The following PRKCE variants were observed in gnomAD, a reference collection of about 807,000 sequenced individuals.
PRKCE encodes protein kinase C epsilon.
In PRKCE, 16 loss-of-function variants were observed where a neutral mutation model predicts 85.4. The ratio of observed to expected loss-of-function variants is 0.19; its 90% confidence interval spans 0.13 to 0.28. The LOEUF (loss-of-function observed/expected upper bound fraction) is 0.28, where lower values mean the gene tolerates loss of function less well. Among genes scored for constraint, PRKCE ranks in the 10% least tolerant of loss-of-function variants. The pLI, the probability that PRKCE is intolerant of heterozygous loss-of-function variation, is 1.00. For synonymous variants in PRKCE, 388 were observed against 371.5 expected (o/e 1.04, Z -0.51); for missense variants, 573 against 975.2 (o/e 0.59, Z 5.49).
intron 1 of PRKCE, among the ~76,000 whole-genome samples, chr2:45,747,725 C>A (rs1294736769): frequency 1.3e-5 from 2 of 152,202 alleles, no homozygotes. Context: ...ATACTAGAAG[C>A]AGAATTGCTA....
intron 10 of PRKCE, among the ~76,000 whole-genome samples, chr2:46,052,499 G>T (rs770028824): frequency 9.2e-5 from 14 of 152,150 alleles, no homozygotes; most frequent in South Asian, 2.1e-4. Context: ...AATTAAGGAA[G>T]ATCAACATAA....
intron 2 of PRKCE, among the ~76,000 whole-genome samples, chr2:45,903,140 T>C (rs1696696314): frequency 6.6e-6 from 1 of 152,224 alleles, no homozygotes; most frequent in Non-Finnish European, 1.5e-5. Flanking sequence ...ATGTTTTCAG[T>C]GGTCTCAGTG....
chr2:45,661,621 C>T lies in PRKCE; in HGVS notation c.348+9173C>T, dbSNP rs567752566. ...TTTACTCACTGCAAGCTCCGCCTCC[C>T]GGGTTCACACCATTCTTCTGCCTCA... On this transcript the variant is annotated intron_variant, in intron 1 of 14. Transcript: ENST00000306156. Among the ~76,000 whole-genome samples, 36 of 150,528 alleles carry T rather than the reference C, an allele frequency of 2.4e-4. No individual in the cohort carries two copies. In the South Asian group the frequency reaches 5.0e-3, roughly 21 times the overall value.
chr2:46,087,648 A>G (rs1669771961), intron 11 of PRKCE, among the ~76,000 whole-genome samples: 1 of 152,188 alleles, frequency 6.6e-6, no homozygotes, highest in Admixed American at 6.5e-5. Flanking sequence ...ATATCCAGTG[A>G]CCACAAACGG....
At chr2:46,096,576 A>G (rs1028387304) in intron 11 of PRKCE, among the ~76,000 whole-genome samples, 10 of 152,194 alleles carry the variant, frequency 6.6e-5, no homozygotes, top group Non-Finnish European at 1.2e-4. Flanking sequence ...ACAAGGGAAG[A>G]CCTTGTGAAG....
At chr2:45,754,409 T>C (rs1558635243) in intron 1 of PRKCE, among the ~76,000 whole-genome samples, 1 of 152,212 alleles carries the variant, frequency 6.6e-6, no homozygotes, top group Non-Finnish European at 1.5e-5. Context: ...CCCTGAAGAA[T>C]CTTGGCTGTG....
intron 1 of PRKCE, among the ~76,000 whole-genome samples, chr2:45,684,574 T>C (rs938645772): frequency 2.0e-5 from 3 of 152,240 alleles, no homozygotes; most frequent in African/African-American, 4.8e-5. Flanking sequence ...AAAATGTTGG[T>C]TGGACCTACA....
intron 1 of PRKCE, among the ~76,000 whole-genome samples, chr2:45,842,195 T>C (rs1334865105): frequency 6.6e-6 from 1 of 152,240 alleles, no homozygotes; most frequent in East Asian, 1.9e-4. Context: ...TGTCTCTGTA[T>C]ATTATAAGTA....
chr2:45,684,988 A>G (rs1234403591), intron 1 of PRKCE, among the ~76,000 whole-genome samples: 1 of 152,222 alleles, frequency 6.6e-6, no homozygotes, highest in African/African-American at 2.4e-5. Flanking sequence ...GGCACTGGTT[A>G]GAAAGTCTGT....
intron 11 of PRKCE, among the ~76,000 whole-genome samples, chr2:46,087,975 C>G (rs1669804418): frequency 1.3e-5 from 2 of 152,292 alleles, no homozygotes; most frequent in South Asian, 4.1e-4. Flanking sequence ...CAGGCTTACC[C>G]AAGATAATGT....
intron 1 of PRKCE, among the ~76,000 whole-genome samples, chr2:45,706,283 C>T (rs1334999489): frequency 6.6e-6 from 1 of 152,150 alleles, no homozygotes; most frequent in Non-Finnish European, 1.5e-5. Context: ...ACAGGATTGC[C>T]TTAGACACTC....
chr2:45,888,048 C>G (rs982329767), intron 2 of PRKCE, among the ~76,000 whole-genome samples: 1 of 152,162 alleles, frequency 6.6e-6, no homozygotes, highest in African/African-American at 2.4e-5. Context: ...AGAAATGGAC[C>G]TAGATTTCCA....
At chr2:45,689,124 T>C (rs1233527285) in intron 1 of PRKCE, among the ~76,000 whole-genome samples, 1 of 152,216 alleles carries the variant, frequency 6.6e-6, no homozygotes, top group African/African-American at 2.4e-5. Flanking sequence ...AAGTTAGGGA[T>C]CACTTATTTG....
rs1681858674 is a variant in PRKCE at position 45,734,359 on chromosome 2, A to G, written c.348+81911A>G. 5.3e-5 allele frequency among the ~76,000 whole-genome samples: 8 copies of G among 151,390 alleles called. No individual in the cohort carries two copies. The South Asian group carries it at 1.7e-3, about 32-fold the overall frequency. ...CATCCTGGCAATAGAGCAAGACTCC[A>G]TCTCAGAAAAAAAAAAAAAAAATTA... is the stretch of plus-strand genomic sequence containing the variant. On this transcript the variant is annotated intron_variant, in intron 1 of 14. Coordinates refer to ENST00000306156, the MANE Select transcript of PRKCE (RefSeq NM_005400.3).
At chr2:45,760,395 A>AG (rs1474898547) in intron 1 of PRKCE, among the ~76,000 whole-genome samples, 2 of 152,186 alleles carry the variant, frequency 1.3e-5, no homozygotes, top group Non-Finnish European at 2.9e-5. Context: ...TTGATCAGAA[A>AG]GGGGAAAGTC....
intron 10 of PRKCE, among the ~76,000 whole-genome samples, chr2:46,082,111 T>A (rs2103854487): frequency 6.6e-6 from 1 of 151,856 alleles, no homozygotes; most frequent in East Asian, 1.9e-4. Context: ...GCAGTGGACT[T>A]AGAGGAGGAA....
intron 1 of PRKCE, among the ~76,000 whole-genome samples, chr2:45,711,126 G>A (rs148619722): frequency 2.0e-3 from 305 of 152,254 alleles, no homozygotes; most frequent in African/African-American, 7.0e-3. Context: ...AAAGATTAAC[G>A]TGCAACTCAA....
intron 5 of PRKCE, among the ~76,000 whole-genome samples, chr2:45,982,704 T>C (rs1479274048): frequency 6.6e-6 from 1 of 152,160 alleles, no homozygotes; most frequent in African/African-American, 2.4e-5. Context: ...GTTGGTCTCT[T>C]GGTCAGTCTG....
rs535345741 is a variant in PRKCE, at chr2:45,781,152, C to T, written c.349-61848C>T. Among the ~76,000 whole-genome samples, 380 of 151,216 alleles carry T rather than the reference C, an allele frequency of 2.5e-3. 2 individuals are homozygous for T. Among genetic ancestry groups the T allele is most frequent in the African/African-American group, 8.7e-3 (354 of 40,820 alleles). On this transcript the variant is annotated intron_variant, in intron 1 of 14. Coordinates refer to ENST00000306156, the MANE Select transcript of PRKCE (RefSeq NM_005400.3). ...GTTCAAGACCAGCCTGGGCAACATACGGAGACCCCCCCATCTCTACAAAAT... is the reference window on the plus strand; with the variant it reads ...GTTCAAGACCAGCCTGGGCAACATATGGAGACCCCCCCATCTCTACAAAAT...
Sources: allele counts gnomAD v4.1 joint callset (sites outside exome capture counted in the v4.1 genomes callset), GRCh38; gene constraint gnomAD v4.1.1; transcripts MANE v1.5; gene names NCBI Gene and HGNC (gene_info 2026-07-23, HGNC 2026-07-21).